MNAT1: variants seen among roughly 807,000 people sequenced by gnomAD.
The protein encoded by MNAT1 is CDK-activating kinase assembly factor MAT1.
A neutral mutation model predicts 42.0 loss-of-function variants in MNAT1; 43 were observed. The ratio of observed to expected loss-of-function variants is 1.02; its 90% CI spans 0.80 to 1.32. The LOEUF (loss-of-function observed/expected upper bound fraction) is 1.32, where lower values mean the gene tolerates loss of function less well. MNAT1 is among the 40% of genes most tolerant of loss of function. MNAT1 has a pLI of 0.00. For synonymous variants in MNAT1, 118 were observed against 120.0 expected (o/e 0.98, Z 0.11); for missense variants, 306 against 350.4 (o/e 0.87, Z 1.01).
rs1896435792 is a variant in MNAT1 at position 60,740,621 on chromosome 14, T to C, written c.89+5670T>C. ...GCAAATTGGGAAACAGAGCCCCCTCTGGGTAGAAAATTAGGAAAAGGCACT... is the reference window on the plus strand; with the variant it reads ...GCAAATTGGGAAACAGAGCCCCCTCCGGGTAGAAAATTAGGAAAAGGCACT... On this transcript the variant is annotated intron_variant, in intron 1 of 7. Transcript: ENST00000261245. The surrounding 1 kb of genome is among the most constrained non-coding windows in gnomAD (Gnocchi z 4.1). Among the ~76,000 whole-genome samples, 1 of 152,172 alleles carries C rather than the reference T, an allele frequency of 6.6e-6. No individual in the cohort carries two copies. The highest frequency in any genetic ancestry group is 1.5e-5 in the Non-Finnish European group (1 of 68,018).
At chr14:60,938,500 G>T (rs28813167) in intron 7 of MNAT1, among the ~76,000 whole-genome samples, 270 of 152,068 alleles carry the variant, frequency 1.8e-3, no homozygotes, top group South Asian at 0.015. Context: ...GTTTTTTGTC[G>T]TTGGTTCTGT....
intron 7 of MNAT1, among the ~76,000 whole-genome samples, chr14:60,904,424 A>G (rs924336746): frequency 2.0e-5 from 3 of 152,184 alleles, no homozygotes; most frequent in Non-Finnish European, 2.9e-5. Context: ...GAACTCACAT[A>G]TCTAACATGA....
At chr14:60,842,974 T>C (rs2033590143) in intron 6 of MNAT1, among the ~76,000 whole-genome samples, 1 of 152,214 alleles carries the variant, frequency 6.6e-6, no homozygotes, top group African/African-American at 2.4e-5. Context: ...TGCGTCATCA[T>C]GAAGTCAAAA....
intron 1 of MNAT1, among the ~76,000 whole-genome samples, chr14:60,762,817 A>G (rs1398252735): frequency 6.6e-6 from 1 of 152,000 alleles, no homozygotes; most frequent in East Asian, 1.9e-4. Flanking sequence ...ATGCTAAACC[A>G]AAAACTAAAT....
Position 60,737,234 on chromosome 14 carries a change from G to A in MNAT1, c.89+2283G>A, listed in dbSNP as rs570468842. Among the ~76,000 whole-genome samples, 8 of 152,176 alleles carry A rather than the reference G, an allele frequency of 5.3e-5. No homozygotes were observed. The South Asian group carries it at 1.7e-3, about 32-fold the overall frequency. ...AGCAACGTAAGTTATTAAGTGAAAG[G>A]TAAAAATTTCTGTGGTTCACTTCTC... On this transcript the variant is annotated intron_variant, in intron 1 of 7. Coordinates refer to ENST00000261245, the MANE Select transcript of MNAT1 (RefSeq NM_002431.4).
rs2034375722 is a variant in MNAT1 at position 60,873,632 on chromosome 14, C to A, written c.688-6082C>A. Among the ~76,000 whole-genome samples the A allele has an allele frequency of 6.6e-5, 7 of 105,676 alleles. 1 individual carries two copies. The South Asian group carries it at 2.1e-3, about 32-fold the overall frequency. The allele number at this position is 105,676 out of a possible 152,430, so 69.3% of individuals were successfully genotyped here. A position where few individuals can be genotyped will look rare whatever the true frequency, so the allele number is the denominator to read the frequency against. ...TACAGGTGAACACCACCATGCCTGGCTAATTTTTTTTTTTTTTTTTTTGTA... is the reference window on the plus strand; with the variant it reads ...TACAGGTGAACACCACCATGCCTGGATAATTTTTTTTTTTTTTTTTTTGTA... On this transcript the variant is annotated intron_variant, in intron 6 of 7. Transcript: ENST00000261245.
At chr14:60,802,931 C>CTTTTT (rs562133472) in intron 3 of MNAT1, among the ~76,000 whole-genome samples, 2 of 133,330 alleles carry the variant, frequency 1.5e-5, no homozygotes, top group African/African-American at 2.7e-5. Context: ...ATAAATAAAA[C>CTTTTT]TTTTTTTTTT....
At chr14:60,814,283 T>C (rs925901712) in intron 5 of MNAT1, among the ~76,000 whole-genome samples, 1 of 152,182 alleles carries the variant, frequency 6.6e-6, no homozygotes, top group Non-Finnish European at 1.5e-5. Context: ...TAGTCAACCT[T>C]GTTAGATAAT....
intron 1 of MNAT1, among the ~76,000 whole-genome samples, chr14:60,748,105 G>T (rs1002108179): frequency 1.3e-5 from 2 of 151,932 alleles, no homozygotes; most frequent in Admixed American, 6.6e-5. Flanking sequence ...GCTGAGGCAG[G>T]AGAATCCCTT....
chr14:60,819,267 GAATA>G, intron 6 of MNAT1, among the ~76,000 whole-genome samples: 1 of 152,010 alleles, frequency 6.6e-6, no homozygotes, highest in Non-Finnish European at 1.5e-5. Context: ...CTAGACTGAT[GAATA>G]GATTAATTTG....
At chr14:60,800,510 A>C (rs1331608085) in intron 3 of MNAT1, among the ~76,000 whole-genome samples, 1 of 152,184 alleles carries the variant, frequency 6.6e-6, no homozygotes, top group African/African-American at 2.4e-5. Flanking sequence ...ACTGCACTCC[A>C]ACCTAGGCAA....
intron 7 of MNAT1, among the ~76,000 whole-genome samples, chr14:60,932,505 G>T (rs965887792): frequency 1.9e-4 from 29 of 151,984 alleles, no homozygotes; most frequent in Middle Eastern, 3.4e-3. Flanking sequence ...TATAGTTCAA[G>T]AAACTGTCTT....
At chr14:60,747,829 C>A (rs2029898075) in intron 1 of MNAT1, among the ~76,000 whole-genome samples, 1 of 152,150 alleles carries the variant, frequency 6.6e-6, no homozygotes, top group African/African-American at 2.4e-5. Context: ...TAGCTTAAAA[C>A]ACAAATTATG....
intron 1 of MNAT1, among the ~76,000 whole-genome samples, chr14:60,769,127 C>T (rs1298430050): frequency 6.6e-6 from 1 of 152,044 alleles, no homozygotes; most frequent in Non-Finnish European, 1.5e-5. Flanking sequence ...TCTCCTCCTC[C>T]CATAGAAATG....
intron 6 of MNAT1, among the ~76,000 whole-genome samples, chr14:60,834,733 A>G (rs542156095): frequency 2.6e-5 from 4 of 152,214 alleles, no homozygotes; most frequent in African/African-American, 7.2e-5. Context: ...TGTGTTTTTG[A>G]TCAGTCTAAA....
chr14:60,793,242 A>G (rs922642532), intron 1 of MNAT1, among the ~76,000 whole-genome samples: 4 of 151,872 alleles, frequency 2.6e-5, no homozygotes, highest in African/African-American at 7.3e-5. Context: ...AGGTTTTGCC[A>G]TGTTGCCCAG....
intron 6 of MNAT1, among the ~76,000 whole-genome samples, chr14:60,820,687 G>T (rs946225799): frequency 5.3e-5 from 8 of 151,940 alleles, no homozygotes; most frequent in Admixed American, 5.2e-4. Context: ...TTCTTTAGTG[G>T]ACTATCACAG....
intron 6 of MNAT1, among the ~76,000 whole-genome samples, chr14:60,820,675 A>G (rs1410782097): frequency 1.3e-5 from 2 of 151,986 alleles, no homozygotes; most frequent in African/African-American, 4.8e-5. Flanking sequence ...AATTGCCATC[A>G]TTTCTTTAGT....
rs372316010 is a variant in MNAT1, at chr14:60,760,532, AT to A, written c.89+25589del. 1.6e-3 allele frequency among the ~76,000 whole-genome samples: 236 copies of A among 152,044 alleles called. 1 individual carries two copies. Among genetic ancestry groups the A allele is most frequent in the African/African-American group, 4.9e-3 (205 of 41,464 alleles). ...GATTGTAAGAATACAGACATAAAGC[AT>A]TTTTTTTCTTAATGTTTGTGCTTTA... On this transcript the variant is annotated intron_variant, in intron 1 of 7. Transcript: ENST00000261245.
Sources: allele counts gnomAD v4.1 joint callset (sites outside exome capture counted in the v4.1 genomes callset), GRCh38; gene constraint gnomAD v4.1.1; non-coding constraint Gnocchi (gnomAD v3.1); transcripts MANE v1.5; gene names NCBI Gene and HGNC (gene_info 2026-07-23, HGNC 2026-07-21).